Variants in DSCAM observed in about 807,000 individuals in gnomAD.
DSCAM encodes the protein DS cell adhesion molecule.
In DSCAM, 47 loss-of-function variants were observed where a neutral mutation model predicts 217.7. That is an observed-to-expected ratio of 0.22 (90% CI 0.17 to 0.28). The LOEUF (loss-of-function observed/expected upper bound fraction) is 0.28, where lower values mean the gene tolerates loss of function less well. Among genes scored for constraint, DSCAM ranks in the 10% least tolerant of loss-of-function variants. The pLI is 1.00. For synonymous variants in DSCAM, 1,056 were observed against 1,015.3 expected, an observed-to-expected ratio of 1.04 and a Z score of -0.76; for missense variants, 2,080 against 2,618.3, an observed-to-expected ratio of 0.79 and a Z score of 4.49.
intron 32 of DSCAM, among the ~76,000 whole-genome samples, chr21:40,028,761 G>T (rs568233709): frequency 6.6e-6 from 1 of 152,144 alleles, no homozygotes; most frequent in Non-Finnish European, 1.5e-5. Context: ...GATGAACCCG[G>T]TACCTCAGAT....
intron 3 of DSCAM, among the ~76,000 whole-genome samples, chr21:40,572,970 A>T (rs1385657588): frequency 6.6e-6 from 1 of 152,250 alleles, no homozygotes; most frequent in Admixed American, 6.5e-5. Flanking sequence ...AGAAGATCAC[A>T]TGAAACACTT....
chr21:40,107,700 A>G (rs1487344101), intron 20 of DSCAM, among the ~76,000 whole-genome samples: 1 of 152,086 alleles, frequency 6.6e-6, no homozygotes, highest in South Asian at 2.1e-4. Flanking sequence ...TTGGATGTAT[A>G]TATATTTAGG....
intron 1 of DSCAM, among the ~76,000 whole-genome samples, chr21:40,752,167 GGTTTTATTATA>G (rs1413401514): frequency 6.6e-6 from 1 of 152,204 alleles, no homozygotes; most frequent in Admixed American, 6.5e-5. Flanking sequence ...TAAGCCACAT[GGTTTTATTATA>G]GTGTGAAGCT....
chr21:40,645,107 T>C (rs1370957777), intron 3 of DSCAM, among the ~76,000 whole-genome samples: 4 of 152,204 alleles, frequency 2.6e-5, no homozygotes. Flanking sequence ...AAGAGCATGA[T>C]GGGCTCTTTT....
intron 1 of DSCAM, among the ~76,000 whole-genome samples, chr21:40,754,279 T>C (rs2091254782): frequency 6.6e-6 from 1 of 152,036 alleles, no homozygotes; most frequent in African/African-American, 2.4e-5. Context: ...TAATCATCAC[T>C]CCCCTAAAAC....
intron 8 of DSCAM, among the ~76,000 whole-genome samples, chr21:40,336,307 T>C (rs909261921): frequency 6.6e-6 from 1 of 152,184 alleles, no homozygotes; most frequent in African/African-American, 2.4e-5. Context: ...AATGAGCCCA[T>C]CACTCCTACA....
At chr21:40,470,409 G>T (rs2075878632) in intron 3 of DSCAM, among the ~76,000 whole-genome samples, 1 of 152,216 alleles carries the variant, frequency 6.6e-6, no homozygotes, top group Non-Finnish European at 1.5e-5. Context: ...GCCATTTGGT[G>T]CCTCCCTCAT....
At chr21:40,240,349 GTTTTT>G (rs749073872) in intron 11 of DSCAM, among the ~76,000 whole-genome samples, 24 of 57,732 alleles carry the variant, frequency 4.2e-4, no homozygotes, top group Non-Finnish European at 3.4e-4. Flanking sequence ...TTCCTCACTG[GTTTTT>G]TTTTTTTTTT....
At position 40,751,764 on chromosome 21, in the gene DSCAM, G is replaced by A. The variant is rs2091231752; in HGVS notation, c.44-42993C>T. 2.6e-5 allele frequency among the ~76,000 whole-genome samples: 4 copies of A among 152,224 alleles called. No individual in the cohort carries two copies. In the South Asian group the frequency reaches 8.3e-4, roughly 32 times the overall value. ...TCAAGGACACTTTTCTATTTCTTAA[G>A]TGGGGTTCTATTCATGTTTATATTT... On this transcript the variant is annotated intron_variant, in intron 1 of 32. Transcript: ENST00000400454.
At chr21:40,363,252 C>CTTTTTTTTTTTTTTTTTTTTTTTTTTT (rs35756323) in intron 4 of DSCAM, among the ~76,000 whole-genome samples, 1 of 116,168 alleles carries the variant, frequency 8.6e-6, no homozygotes, top group African/African-American at 3.3e-5. Context: ...TTTTTGTGTT[C>CTTTTTTTTTTTTTTTTTTTTTTTTTTT]TTTTTTTTTT....
At chr21:40,316,466 A>G (rs1030074845) in intron 8 of DSCAM, among the ~76,000 whole-genome samples, 1 of 152,252 alleles carries the variant, frequency 6.6e-6, no homozygotes, top group African/African-American at 2.4e-5. Context: ...GATCGATGGC[A>G]CAAAGTAACT....
At chr21:40,441,355 G>A (rs2075628726) in intron 3 of DSCAM, among the ~76,000 whole-genome samples, 1 of 152,178 alleles carries the variant, frequency 6.6e-6, no homozygotes, top group Non-Finnish European at 1.5e-5. Flanking sequence ...AATAAGCATA[G>A]AGCGTTGACC....
At position 40,539,404 on chromosome 21, in the gene DSCAM, G is replaced by A. The variant is rs201506655; in HGVS notation, c.508+153406C>T. Among the ~76,000 whole-genome samples, 29 of 152,136 alleles carry A rather than the reference G, an allele frequency of 1.9e-4. No homozygotes were observed. The East Asian group carries it at 5.6e-3, about 29-fold the overall frequency. On this transcript the variant is annotated intron_variant, in intron 3 of 32. Coordinates refer to ENST00000400454, the MANE Select transcript of DSCAM (RefSeq NM_001389.5). ...CAGCTACTCGGAGAGGCTGAGGCAGGAGAATGGCGTGAACCCGGGAGGCAG... is the reference window on the plus strand; with the variant it reads ...CAGCTACTCGGAGAGGCTGAGGCAGAAGAATGGCGTGAACCCGGGAGGCAG...
chr21:40,254,848 A>T (rs2073350173), intron 11 of DSCAM, among the ~76,000 whole-genome samples: 1 of 151,688 alleles, frequency 6.6e-6, no homozygotes, highest in African/African-American at 2.4e-5. Flanking sequence ...TCCACTCAAA[A>T]ATCAGCGTCC....
intron 14 of DSCAM, among the ~76,000 whole-genome samples, chr21:40,182,466 G>A (rs924600296): frequency 6.6e-6 from 1 of 151,910 alleles, no homozygotes; most frequent in African/African-American, 2.4e-5. Context: ...GAGCCACCAC[G>A]GACAGGAGGG....
intron 3 of DSCAM, among the ~76,000 whole-genome samples, chr21:40,534,397 C>T (rs763964022): frequency 6.6e-6 from 1 of 152,146 alleles, no homozygotes; most frequent in Non-Finnish European, 1.5e-5. Flanking sequence ...CAAGGTTTTA[C>T]TTCCTCTTGT....
Position 40,379,653 on chromosome 21 carries a change from C to T in DSCAM, c.509-10408G>A, listed in dbSNP as rs527294024. Among the ~76,000 whole-genome samples the T allele has an allele frequency of 3.9e-5, 6 of 152,320 alleles. No homozygotes were observed. The South Asian group carries it at 1.2e-3, about 32-fold the overall frequency. On this transcript the variant is annotated intron_variant, in intron 3 of 32. Coordinates refer to ENST00000400454, the MANE Select transcript of DSCAM (RefSeq NM_001389.5). ...GTTGATTTGGGTGTCAGAGCTGCCT[C>T]CTCAAAATGGCAGTTGCCTCTCTGA...
intron 11 of DSCAM, among the ~76,000 whole-genome samples, chr21:40,199,758 C>T (rs530569196): frequency 3.2e-4 from 48 of 152,078 alleles, no homozygotes; most frequent in African/African-American, 6.7e-4. Flanking sequence ...GGGAACAACA[C>T]GCACCGGGGC....
intron 3 of DSCAM, among the ~76,000 whole-genome samples, chr21:40,407,649 G>C (rs1162776407): frequency 6.6e-6 from 1 of 152,172 alleles, no homozygotes; most frequent in African/African-American, 2.4e-5. Context: ...GGGTCATGTG[G>C]AAGAGTAGCG....
Sources: allele counts gnomAD v4.1 joint callset (sites outside exome capture counted in the v4.1 genomes callset), GRCh38; gene constraint gnomAD v4.1.1; transcripts MANE v1.5; gene names NCBI Gene and HGNC (gene_info 2026-07-23, HGNC 2026-07-21).